Variants in TRAPPC3L observed in about 807,000 individuals in gnomAD.
TRAPPC3L encodes trafficking protein particle complex subunit 3L, also known as trafficking protein particle complex subunit 3-like protein.
In TRAPPC3L, 23 loss-of-function variants were observed where a neutral mutation model predicts 23.7. The ratio of observed to expected loss-of-function variants is 0.97; its 90% CI spans 0.70 to 1.37. The LOEUF is 1.37. TRAPPC3L is among the 40% of genes most tolerant of loss of function. The pLI is 0.00. For synonymous variants in TRAPPC3L, 81 were observed against 77.9 expected (o/e 1.04, Z -0.21); for missense variants, 212 against 216.8 (o/e 0.98, Z 0.14).
In TRAPPC3L at chr6:116,497,058, C is replaced by A; in HGVS notation, c.442G>T (p.Asp148Tyr). 6.5e-7 allele frequency: 1 copy of A among 1,540,774 alleles called. No homozygotes were observed. Among genetic ancestry groups the A allele is most frequent in the Non-Finnish European group, 8.7e-7 (1 of 1,143,602 alleles). The change falls in exon 5 of 5, where the codon GAT (aspartate) becomes TAT (tyrosine). Residue 148 changes from aspartate (D) to tyrosine (Y), a missense_variant. Transcript: ENST00000368602. ...GALEMVHLAADVTFLQDRLKG... is the reference protein window; with the variant it reads ...GALEMVHLAAYVTFLQDRLKG... ...AGTCTGTCTTGCAAGAATGTAACAT[C>A]AGCCGCCAAATGAACCTAGGAAAGA... is the stretch of plus-strand genomic sequence containing the variant.
chr6:116,517,308 A>C (rs1583271917), intron 3 of TRAPPC3L: 1 of 152,242 alleles, frequency 6.6e-6, no homozygotes. Context: ...ACTGGCATAA[A>C]ACTGCATTGC....
At chr6:116,513,865 G>A (rs574583877) in intron 3 of TRAPPC3L, among the ~76,000 whole-genome samples, 13 of 152,308 alleles carry the variant, frequency 8.5e-5, no homozygotes, top group Middle Eastern at 3.4e-3. Context: ...ATTGTCTGGC[G>A]TTGGGTTTGT....
intron 3 of TRAPPC3L, among the ~76,000 whole-genome samples, chr6:116,538,734 C>CTTT (rs531255700): frequency 7.1e-6 from 1 of 141,154 alleles, no homozygotes; most frequent in African/African-American, 2.6e-5. Context: ...ATCTTTCTTT[C>CTTT]TTTTTTTTTT....
chr6:116,520,043 T>C (rs1423861779), intron 3 of TRAPPC3L: 2 of 152,218 alleles, frequency 1.3e-5, no homozygotes, highest in Non-Finnish European at 2.9e-5. Flanking sequence ...TATTGTAAAA[T>C]ATATGTGTCC....
intron 3 of TRAPPC3L, chr6:116,522,615 G>T (rs1396857615): frequency 6.6e-6 from 1 of 152,022 alleles, no homozygotes; most frequent in Non-Finnish European, 1.5e-5. Flanking sequence ...AATTATTTTT[G>T]GTTAATTTTT....
chr6:116,526,064 G>C (rs1562344329), intron 3 of TRAPPC3L, among the ~76,000 whole-genome samples: 1 of 152,138 alleles, frequency 6.6e-6, no homozygotes, highest in Non-Finnish European at 1.5e-5. Context: ...ATGAAGTCAA[G>C]CAATTAAAGA....
chr6:116,532,120 T>C (rs1188476595), intron 3 of TRAPPC3L, among the ~76,000 whole-genome samples: 2 of 152,216 alleles, frequency 1.3e-5, no homozygotes, highest in African/African-American at 4.8e-5. Flanking sequence ...GGGCTGCTTC[T>C]GCATGTAGTG....
At chr6:116,533,696 A>T (rs1227609544) in intron 3 of TRAPPC3L, among the ~76,000 whole-genome samples, 1 of 152,202 alleles carries the variant, frequency 6.6e-6, no homozygotes, top group Non-Finnish European at 1.5e-5. Context: ...CATCATGCAG[A>T]CATTTCTCCT....
chr6:116,511,078 T>C (rs867018265), intron 3 of TRAPPC3L, among the ~76,000 whole-genome samples: 4 of 147,712 alleles, frequency 2.7e-5, no homozygotes, highest in Admixed American at 7.0e-5. Context: ...TATCCGGTGA[T>C]GGGTGCACTA....
intron 3 of TRAPPC3L, chr6:116,524,476 T>C (rs930133898): frequency 6.6e-6 from 1 of 152,226 alleles, no homozygotes; most frequent in Non-Finnish European, 1.5e-5. Context: ...TGTTCTCGAA[T>C]TGAAGGACAG....
At chr6:116,525,117 T>C (rs774260357) in intron 3 of TRAPPC3L, among the ~76,000 whole-genome samples, 2 of 152,222 alleles carry the variant, frequency 1.3e-5, no homozygotes, top group Non-Finnish European at 2.9e-5. Flanking sequence ...TATTCTTGAG[T>C]GTTCATATAA....
intron 3 of TRAPPC3L, chr6:116,512,297 T>G: frequency 6.6e-7 from 1 of 1,507,524 alleles, no homozygotes; most frequent in South Asian, 1.3e-5. Context: ...CTCTCTGTGC[T>G]CCTTTCAGCC....
chr6:116,497,657 G>C (rs1257736098), intron 4 of TRAPPC3L, among the ~76,000 whole-genome samples: 1 of 152,046 alleles, frequency 6.6e-6, no homozygotes, highest in Non-Finnish European at 1.5e-5. Context: ...TCTCTGTAAG[G>C]TATTTCCCAT....
At chr6:116,519,237 CAT>C (rs1772286261) in intron 3 of TRAPPC3L, 1 of 152,146 alleles carries the variant, frequency 6.6e-6, no homozygotes, top group African/African-American at 2.4e-5. Flanking sequence ...TTAGGAGAAA[CAT>C]ATTAGCAGGA....
intron 3 of TRAPPC3L, chr6:116,529,293 T>G (rs943614599): frequency 6.6e-6 from 1 of 152,226 alleles, no homozygotes; most frequent in African/African-American, 2.4e-5. Flanking sequence ...GTGGGAGGCA[T>G]GTACAATAAC....
intron 3 of TRAPPC3L, among the ~76,000 whole-genome samples, chr6:116,506,779 C>T (rs1489815457): frequency 6.6e-6 from 1 of 152,212 alleles, no homozygotes; most frequent in East Asian, 1.9e-4. Flanking sequence ...GAACCAAACA[C>T]TGTACGTTCT....
In TRAPPC3L at chr6:116,495,488, T is replaced by G. The variant is rs1583262191; in HGVS notation, c.*1466A>C. The G allele has an allele frequency of 6.6e-6, 1 of 151,496 alleles. No individual in the cohort carries two copies. Among genetic ancestry groups the G allele is most frequent in the Non-Finnish European group, 1.5e-5 (1 of 68,022 alleles). The allele number at this position is 151,496 out of a possible 1,614,324, so 9.4% of individuals were successfully genotyped here. Reference sequence around the variant, plus strand: ...TCTGCAGTAAACATGGGAGTGCAGATATCTCTTTGATATACTGATTTCCTT... The same window carrying G: ...TCTGCAGTAAACATGGGAGTGCAGAGATCTCTTTGATATACTGATTTCCTT... On this transcript the variant is annotated 3_prime_UTR_variant, in exon 5 of 5. Transcript: ENST00000368602.
chr6:116,498,568 A>G (rs1034448225), intron 4 of TRAPPC3L, among the ~76,000 whole-genome samples: 1 of 152,190 alleles, frequency 6.6e-6, no homozygotes, highest in Non-Finnish European at 1.5e-5. Flanking sequence ...GGAAAATGAG[A>G]CTTTGTTGAC....
chr6:116,526,252 CT>C (rs911719423), intron 3 of TRAPPC3L, among the ~76,000 whole-genome samples: 2 of 152,136 alleles, frequency 1.3e-5, no homozygotes, highest in African/African-American at 4.8e-5. Flanking sequence ...GTGTTTTCCA[CT>C]TTTTTTCCAA....
Sources: gnomAD v4.1 joint callset for allele counts (sites outside exome capture counted in the v4.1 genomes callset) on GRCh38, gnomAD v4.1.1 for gene constraint, MANE v1.5 for transcripts, NCBI Gene and HGNC (gene_info 2026-07-23, HGNC 2026-07-21) for gene names.